Variants in FAM120A observed in about 807,000 individuals in gnomAD.
The protein encoded by FAM120A is constitutive coactivator of PPAR-gamma-like protein 1.
A neutral mutation model predicts 109.7 loss-of-function variants in FAM120A; 15 were observed. That is an observed-to-expected ratio of 0.14 (90% CI 0.09 to 0.21). FAM120A has a LOEUF of 0.21. FAM120A is among the 10% of genes least tolerant of loss of function. FAM120A has a pLI of 1.00. For synonymous variants in FAM120A, 493 were observed against 572.8 expected, an observed-to-expected ratio of 0.86 and a Z score of 1.99; for missense variants, 899 against 1,439.3, an observed-to-expected ratio of 0.62 and a Z score of 6.07.
In FAM120A at chr9:93,564,388, G is replaced by T; in HGVS notation, c.3205G>T (p.Gly1069Cys). ...KPAPQMNGST[G>C]DARAPSHSES... The stretch of plus-strand genomic sequence containing the variant: ...GGCTCCCCAGATGAACGGGAGCACG[G>T]GTGACGCCAGGGCCCCCAGCCACTC... Residue 1069 changes from glycine (G) to cysteine (C), a missense_variant, in exon 18 of 18, where the codon GGT (glycine) becomes TGT (cysteine). Physicochemically the swap from Gly to Cys is radical, Grantham distance 159. Coordinates refer to ENST00000277165, the MANE Select transcript of FAM120A (RefSeq NM_014612.5). The T allele has an allele frequency of 6.2e-7, 1 of 1,614,090 alleles. No individual in the cohort carries two copies. The highest frequency in any genetic ancestry group is 8.5e-7 in the Non-Finnish European group (1 of 1,180,008).
rs1245301723 is a variant in FAM120A at position 93,523,349 on chromosome 9, G to T, written c.1419-3806G>T. On this transcript the variant is annotated intron_variant, in intron 7 of 17. Coordinates refer to ENST00000277165, the MANE Select transcript of FAM120A (RefSeq NM_014612.5). ...AGAATTCCATCGTGCTCTGCTCCAG[G>T]ATCCTGAGGCATGGGTAGGTAGGCC... is the stretch of plus-strand genomic sequence containing the variant. The T allele has an allele frequency of 1.2e-5, 16 of 1,288,396 alleles. No individual in the cohort carries two copies. The Middle Eastern group carries it at 6.4e-4, about 51-fold the overall frequency. The allele number at this position is 1,288,396 out of a possible 1,614,324, so 79.8% of individuals were successfully genotyped here.
chr9:93,481,245 G>A (rs915083718), intron 3 of FAM120A, among the ~76,000 whole-genome samples: 1 of 152,182 alleles, frequency 6.6e-6, no homozygotes, highest in Non-Finnish European at 1.5e-5. Context: ...TGACTTTTGG[G>A]GTTTTAAAAA....
Position 93,452,261 on chromosome 9 carries a change from C to A in FAM120A, c.346C>A (p.Arg116Ser), listed in dbSNP as rs769508455. 1 of 1,610,824 alleles carries A rather than the reference C, an allele frequency of 6.2e-7. No homozygotes were observed. The highest frequency in any genetic ancestry group is 8.5e-7 in the Non-Finnish European group (1 of 1,179,358). ...GTGGGTCAAGCGGCAGGGCAACGAG[C>A]GCCAGACGGCACAGCAGATCGTCAG... ...HEWVKRQGNE[R>S]QTAQQIVSHV... is the part of the protein sequence containing the mutation. Residue 116 changes from arginine (R) to serine (S), a missense_variant, in exon 1 of 18, where the codon CGC (arginine) becomes AGC (serine). Physicochemically the swap from Arg to Ser is moderately radical, Grantham distance 110. Transcript: ENST00000277165. The surrounding 1 kb of genome is among the most constrained non-coding windows in gnomAD (Gnocchi z 7.0).
chr9:93,509,395 C>T (rs955536968), intron 5 of FAM120A, among the ~76,000 whole-genome samples: 1 of 152,144 alleles, frequency 6.6e-6, no homozygotes, highest in Non-Finnish European at 1.5e-5. Context: ...TAAGTGGGGC[C>T]CATTATAGAA....
chr9:93,463,083 A>C (rs185582720), intron 1 of FAM120A, among the ~76,000 whole-genome samples: 88 of 152,280 alleles, frequency 5.8e-4, no homozygotes, highest in South Asian at 4.4e-3. Flanking sequence ...TTTTTGAGGA[A>C]TCACCATACG....
rs1587636913 is a variant in FAM120A at position 93,557,178 on chromosome 9, G to C, written c.2484+587G>C. On this transcript the variant is annotated intron_variant, in intron 13 of 17. Transcript: ENST00000277165. ...GAGTTTCGCTCTTGTCGCCCAGGCT[G>C]GAGTGCAGTGGTGCGGTCTCAGCTC... Among the ~76,000 whole-genome samples, 4 of 145,644 alleles carry C rather than the reference G, an allele frequency of 2.7e-5. 1 individual carries two copies. The Admixed American group carries it at 2.8e-4, about 10-fold the overall frequency.
intron 7 of FAM120A, among the ~76,000 whole-genome samples, chr9:93,522,274 G>A (rs1427173338): frequency 6.6e-6 from 1 of 151,988 alleles, no homozygotes; most frequent in East Asian, 1.9e-4. Context: ...TCAAACACTG[G>A]ACAATACAGT....
intron 5 of FAM120A, among the ~76,000 whole-genome samples, chr9:93,509,298 T>C (rs1205457072): frequency 1.3e-5 from 2 of 152,172 alleles, no homozygotes; most frequent in Non-Finnish European, 1.5e-5. Flanking sequence ...GTGGAGTGCC[T>C]GGGGCCTCCT....
At chr9:93,520,003 A>G (rs883782) in intron 7 of FAM120A, among the ~76,000 whole-genome samples, 82,685 of 151,564 alleles carry the variant, frequency 0.55, 23,039 homozygotes, top group African/African-American at 0.64. Context: ...AGCATGTTCC[A>G]CCTGAGACGA....
At chr9:93,454,224 A>T (rs1857443882) in intron 1 of FAM120A, among the ~76,000 whole-genome samples, 1 of 152,174 alleles carries the variant, frequency 6.6e-6, no homozygotes, top group Non-Finnish European at 1.5e-5. Flanking sequence ...TGCTTTTGCT[A>T]AGCTTTTAAT....
chr9:93,452,857 G>C lies in FAM120A; in HGVS notation c.474+468G>C, dbSNP rs1857334460. 3.4e-6 allele frequency: 5 copies of C among 1,484,322 alleles called. No homozygotes were observed. Among genetic ancestry groups the C allele is most frequent in the Non-Finnish European group, 4.4e-6 (5 of 1,126,592 alleles). 91.9% of individuals were successfully genotyped at this position (1,484,322 alleles called of 1,614,324 possible). ...AGAGGGGGTTTCGCCAGAGCCCTTG[G>C]GGGCTGCAAATATCAGTGCTGCTGC... On this transcript the variant is annotated intron_variant, in intron 1 of 17. Coordinates refer to ENST00000277165, the MANE Select transcript of FAM120A (RefSeq NM_014612.5). The surrounding 1 kb of genome is among the most constrained non-coding windows in gnomAD (Gnocchi z 7.0).
intron 2 of FAM120A, 88 bp downstream of exon 2, chr9:93,471,475 T>G (rs1190543291): frequency 6.6e-7 from 1 of 1,510,192 alleles, no homozygotes; most frequent in East Asian, 2.3e-5. Context: ...GCTTGAATGT[T>G]TTGGATATGT....
Position 93,557,952 on chromosome 9 carries a change from G to A in FAM120A, c.2610G>A (p.Ala870=), listed in dbSNP as rs1417967495. ...PPALPFYPAS[A]YPRHFGPVPP... The stretch of plus-strand genomic sequence containing the variant: ...CCCTGCCCTTCTACCCTGCCTCTGC[G>A]TACCCCCGGCACTTTGGGCCTGTCC... Residue 870 remains alanine, a synonymous_variant, in exon 14 of 18, where the codon GCG becomes GCA. Transcript: ENST00000277165. The A allele has an allele frequency of 1.9e-6, 3 of 1,605,886 alleles. No individual in the cohort carries two copies. The highest frequency in any genetic ancestry group is 1.1e-5 in the South Asian group (1 of 90,880).
intron 2 of FAM120A, among the ~76,000 whole-genome samples, chr9:93,472,338 C>A (rs910964497): frequency 6.6e-6 from 1 of 151,806 alleles, no homozygotes; most frequent in African/African-American, 2.4e-5. Context: ...TTTCTTTGCT[C>A]TTTTGTCAGC....
chr9:93,506,172 C>A (rs1860044409), intron 5 of FAM120A, among the ~76,000 whole-genome samples: 1 of 152,132 alleles, frequency 6.6e-6, no homozygotes, highest in African/African-American at 2.4e-5. Flanking sequence ...TGATCCTTTT[C>A]ACTTTTATGT....
At chr9:93,472,024 C>T (rs1858334194) in intron 2 of FAM120A, among the ~76,000 whole-genome samples, 1 of 152,134 alleles carries the variant, frequency 6.6e-6, no homozygotes, top group Non-Finnish European at 1.5e-5. Flanking sequence ...CTTTGGGAGG[C>T]CAAGGTGGGC....
intron 3 of FAM120A, among the ~76,000 whole-genome samples, chr9:93,481,277 C>T (rs779838901): frequency 6.6e-6 from 1 of 152,192 alleles, no homozygotes; most frequent in African/African-American, 2.4e-5. Context: ...TGTGTCCTAA[C>T]TGGTTACGGG....
intron 7 of FAM120A, among the ~76,000 whole-genome samples, chr9:93,518,785 G>T (rs1311584089): frequency 1.3e-5 from 2 of 152,232 alleles, no homozygotes; most frequent in Non-Finnish European, 2.9e-5. Flanking sequence ...GGGCTGGGCC[G>T]TGCACAGCTG....
At chr9:93,493,087 C>G (rs1859402771) in intron 3 of FAM120A, among the ~76,000 whole-genome samples, 1 of 152,194 alleles carries the variant, frequency 6.6e-6, no homozygotes, top group Non-Finnish European at 1.5e-5. Context: ...GACTTGTTTG[C>G]TATGCAAGGC....
Sources: allele counts gnomAD v4.1 joint callset (sites outside exome capture counted in the v4.1 genomes callset), GRCh38; gene constraint gnomAD v4.1.1; non-coding constraint Gnocchi (gnomAD v3.1); transcripts MANE v1.5; gene names NCBI Gene and HGNC (gene_info 2026-07-23, HGNC 2026-07-21).